Variants in PLEKHA5 observed in about 807,000 individuals in gnomAD.
PLEKHA5 encodes pleckstrin homology domain containing A5.
In PLEKHA5, 55 loss-of-function variants were observed where a neutral mutation model predicts 181.9. That is an observed-to-expected ratio of 0.30 (90% CI 0.24 to 0.38). PLEKHA5 has a LOEUF of 0.38. Among genes scored for constraint, PLEKHA5 ranks in the 10% least tolerant of loss-of-function variants. PLEKHA5 has a pLI of 1.00. For missense variants in PLEKHA5, 1,432 were observed against 1,549.5 expected (o/e 0.92, Z 1.27); for synonymous variants, 535 against 529.4 (o/e 1.01, Z -0.15).
rs1228013924 is a variant in PLEKHA5 at position 19,364,524 on chromosome 12, A to G, written c.3609-1440A>G. 3.3e-5 allele frequency among the ~76,000 whole-genome samples: 5 copies of G among 151,888 alleles called. No homozygotes were observed. In the East Asian group the frequency reaches 5.8e-4, roughly 18 times the overall value. ...AGAATCTGCCTCAAAAAAAAAATAT[A>G]TATGTGTCATTGCTTTGCTAGCCCT... On this transcript the variant is annotated intron_variant, in intron 29 of 31. Transcript: ENST00000429027.
At chr12:19,234,136 T>G (rs2061041930) in intron 3 of PLEKHA5, among the ~76,000 whole-genome samples, 1 of 152,230 alleles carries the variant, frequency 6.6e-6, no homozygotes, top group Admixed American at 6.5e-5. Context: ...AAATTTAGAT[T>G]ACATCTTAGA....
intron 15 of PLEKHA5, among the ~76,000 whole-genome samples, chr12:19,295,386 C>G (rs2152872831): frequency 6.6e-6 from 1 of 152,114 alleles, no homozygotes; most frequent in East Asian, 1.9e-4. Flanking sequence ...GGAGGGAAGC[C>G]ATAAGTAAAG....
intron 22 of PLEKHA5, among the ~76,000 whole-genome samples, chr12:19,345,637 C>T (rs1032322451): frequency 1.3e-5 from 2 of 151,738 alleles, no homozygotes; most frequent in African/African-American, 2.4e-5. Context: ...TGGTGGCGCA[C>T]GCCTGTAGTC....
intron 20 of PLEKHA5, among the ~76,000 whole-genome samples, chr12:19,325,485 C>A (rs1271629497): frequency 6.6e-6 from 1 of 151,198 alleles, no homozygotes; most frequent in Non-Finnish European, 1.5e-5. Context: ...GTCAGGAGTT[C>A]GAGACCAGAC....
intron 15 of PLEKHA5, among the ~76,000 whole-genome samples, chr12:19,307,817 A>G (rs1434261268): frequency 6.6e-6 from 1 of 151,630 alleles, no homozygotes; most frequent in Non-Finnish European, 1.5e-5. Flanking sequence ...ACATTATAGA[A>G]GTACAAACAG....
rs926857023 is a variant in PLEKHA5, at chr12:19,130,598, A to G, written c.169+468A>G. 6.6e-6 allele frequency: 1 copy of G among 152,156 alleles called. No homozygotes were observed. The highest frequency in any genetic ancestry group is 2.4e-5 in the African/African-American group (1 of 41,254). The allele number at this position is 152,156 out of a possible 1,614,324, so 9.4% of individuals were successfully genotyped here. The stretch of plus-strand genomic sequence containing the variant: ...GATCGCCCGCCGGGATAACGTAACC[A>G]CATCCTCCCCCTCCTCCCAGGAGCG... On this transcript the variant is annotated intron_variant, in intron 2 of 31. Coordinates refer to ENST00000429027, the MANE Select transcript of PLEKHA5 (RefSeq NM_001256470.2). This position sits in a 1 kb window ranked among gnomAD's most constrained non-coding sequence, Gnocchi z 4.5.
intron 3 of PLEKHA5, among the ~76,000 whole-genome samples, chr12:19,199,280 T>C (rs1217535826): frequency 3.3e-5 from 5 of 152,166 alleles, no homozygotes; most frequent in Non-Finnish European, 1.5e-5. Context: ...CTTGTTTTCT[T>C]TTTTTGAAAA....
chr12:19,361,745 T>C (rs1437043769), intron 29 of PLEKHA5, 39 bp downstream of exon 29: 3 of 1,537,916 alleles, frequency 2.0e-6, no homozygotes, highest in Non-Finnish European at 2.7e-6. Flanking sequence ...TTCACAAAAC[T>C]GTGTAACTGC....
chr12:19,157,127 C>CACACAT (rs879594315), intron 3 of PLEKHA5, among the ~76,000 whole-genome samples: 1 of 150,856 alleles, frequency 6.6e-6, no homozygotes, highest in South Asian at 2.1e-4. Context: ...CACACACACA[C>CACACAT]GGAGCTGTAT....
At chr12:19,294,179 A>G (rs1433871806) in intron 15 of PLEKHA5, among the ~76,000 whole-genome samples, 5 of 152,176 alleles carry the variant, frequency 3.3e-5, no homozygotes, top group Admixed American at 6.5e-5. Context: ...CCAAAAACTC[A>G]GATATACTTA....
intron 25 of PLEKHA5, among the ~76,000 whole-genome samples, chr12:19,348,973 T>C (rs144818782): frequency 6.6e-6 from 1 of 151,502 alleles, no homozygotes; most frequent in Non-Finnish European, 1.5e-5. Flanking sequence ...TAAATAAAAA[T>C]AAAAGACATC....
rs191402998 is a variant in PLEKHA5 at position 19,261,043 on chromosome 12, A to C, written c.610+22A>C. On this transcript the variant is annotated intron_variant, in intron 7 of 31. Transcript: ENST00000429027. ...AGAGGTAAGTTTACCCTACTGTCTT[A>C]GTGTATTATTTTGTAATTGATATGT... The C allele has an allele frequency of 3.6e-3, 4,880 of 1,370,074 alleles. 54 individuals are homozygous for C. The highest frequency in any genetic ancestry group is 2.8e-3 in the South Asian group (221 of 78,574). 84.9% of individuals were successfully genotyped at this position (1,370,074 alleles called of 1,614,324 possible).
chr12:19,236,772 T>C (rs2061468878), intron 3 of PLEKHA5, among the ~76,000 whole-genome samples: 1 of 152,184 alleles, frequency 6.6e-6, no homozygotes, highest in South Asian at 2.1e-4. Context: ...CTGGAAGGCA[T>C]GCATAATCAC....
intron 3 of PLEKHA5, chr12:19,152,292 C>G (rs963839582): frequency 2.0e-5 from 3 of 152,066 alleles, no homozygotes; most frequent in Admixed American, 1.3e-4. Context: ...ATCTTTAAAC[C>G]ACAAAGTTGC....
chr12:19,203,270 A>G (rs1424158451), intron 3 of PLEKHA5, among the ~76,000 whole-genome samples: 1 of 151,938 alleles, frequency 6.6e-6, no homozygotes, highest in Non-Finnish European at 1.5e-5. Flanking sequence ...GTCCTCATTT[A>G]CCTGTTTTTC....
At chr12:19,184,309 CA>C (rs1322435984) in intron 3 of PLEKHA5, among the ~76,000 whole-genome samples, 2 of 152,062 alleles carry the variant, frequency 1.3e-5, no homozygotes, top group African/African-American at 4.8e-5. Context: ...AGTAAACCCC[CA>C]AAAATCTGGT....
Position 19,274,870 on chromosome 12 carries a change from A to C in PLEKHA5, c.1200A>C (p.Thr400=). 6.2e-7 allele frequency: 1 copy of C among 1,613,892 alleles called. No individual in the cohort carries two copies. The highest frequency in any genetic ancestry group is 8.5e-7 in the Non-Finnish European group (1 of 1,179,852). ...TTAGAGGTGGAAATCGCCCCAATAC[A>C]GGGCCCTTATACACAGAGGCCGATC... ...ADLRGGNRPN[T]GPLYTEADRV... Residue 400 remains threonine, a synonymous_variant, in exon 11 of 32, where the codon ACA becomes ACC. Coordinates refer to ENST00000429027, the MANE Select transcript of PLEKHA5 (RefSeq NM_001256470.2).
chr12:19,285,996 A>T (rs2077137885), intron 12 of PLEKHA5, among the ~76,000 whole-genome samples: 1 of 152,244 alleles, frequency 6.6e-6, no homozygotes, highest in Non-Finnish European at 1.5e-5. Flanking sequence ...ACACTTTCTC[A>T]AAGTGAATGC....
chr12:19,334,829 A>AAAAAAAAAAAAAAAAAT, intron 20 of PLEKHA5, among the ~76,000 whole-genome samples: 4 of 18,600 alleles, frequency 2.2e-4, no homozygotes, highest in Non-Finnish European at 4.3e-4. Context: ...AAAAAAAAAA[A>AAAAAAAAAAAAAAAAAT]ATATATATAT....
Sources: allele counts gnomAD v4.1 joint callset (sites outside exome capture counted in the v4.1 genomes callset), GRCh38; gene constraint gnomAD v4.1.1; non-coding constraint Gnocchi (gnomAD v3.1); transcripts MANE v1.5; gene names NCBI Gene and HGNC (gene_info 2026-07-23, HGNC 2026-07-21).